The following NPTX2 variants were observed in gnomAD, a reference collection of about 807,000 sequenced individuals.
The protein encoded by NPTX2 is neuronal pentraxin 2.
A neutral mutation model predicts 38.1 loss-of-function variants in NPTX2; 23 were observed. The ratio of observed to expected loss-of-function variants is 0.60; its 90% confidence interval spans 0.43 to 0.85. The LOEUF (loss-of-function observed/expected upper bound fraction) is 0.85, where lower values mean the gene tolerates loss of function less well. Among genes scored for constraint, NPTX2 ranks in the 40% least tolerant of loss-of-function variants. NPTX2 has a pLI of 0.00. For missense variants in NPTX2, 553 were observed against 615.3 expected, an observed-to-expected ratio of 0.90 and a Z score of 1.07; for synonymous variants, 291 against 287.3, an observed-to-expected ratio of 1.01 and a Z score of -0.13.
At chr7:98,625,292 GGGCTGTCCTCCTCGA>G in intron 3 of NPTX2, 126 bp downstream of exon 3, 1 of 1,290,996 alleles carries the variant, frequency 7.7e-7, no homozygotes, top group Non-Finnish European at 1.1e-6. Flanking sequence ...TGGGACTGCG[GGGCTGTCCTCCTCGA>G]GGTGGGGATA....
At position 98,617,446 on chromosome 7, in the gene NPTX2, C is replaced by A; in HGVS notation, c.-16C>A. 1 of 958,658 alleles carries A rather than the reference C, an allele frequency of 1.0e-6. No homozygotes were observed. The highest frequency in any genetic ancestry group is 1.3e-6 in the Non-Finnish European group (1 of 746,656). 59.4% of individuals were successfully genotyped at this position (958,658 alleles called of 1,614,324 possible). On this transcript the variant is annotated 5_prime_UTR_variant, in exon 1 of 5. Transcript: ENST00000265634. ...CCGCTCGCCCATGCCGAGCTGAGCG[C>A]GGCAGCGGCGGCGGGATGCTGGCGC...
Position 98,629,673 on chromosome 7 carries a change from A to G in NPTX2, c.*1044A>G, listed in dbSNP as rs568073396. The G allele has an allele frequency of 6.6e-6, 1 of 152,568 alleles. No homozygotes were observed. The highest frequency in any genetic ancestry group is 2.4e-5 in the African/African-American group (1 of 41,438). The allele number at this position is 152,568 out of a possible 1,614,324, so 9.5% of individuals were successfully genotyped here. ...CTCACTGTATTGGACGGGAGTAGTA[A>G]TTTATTTTAAAGATAAAGTGACTAA... On this transcript the variant is annotated 3_prime_UTR_variant, in exon 5 of 5. Coordinates refer to ENST00000265634, the MANE Select transcript of NPTX2 (RefSeq NM_002523.3).
At chr7:98,626,683 A>C (rs928462839) in intron 3 of NPTX2, among the ~76,000 whole-genome samples, 1 of 152,180 alleles carries the variant, frequency 6.6e-6, no homozygotes, top group African/African-American at 2.4e-5. Context: ...TCCTCCCCCC[A>C]GTTCCTCACG....
At position 98,617,727 on chromosome 7, in the gene NPTX2, G is replaced by A. The variant is rs1041956416; in HGVS notation, c.266G>A (p.Gly89Asp). 3.5e-6 allele frequency: 5 copies of A among 1,421,856 alleles called. No homozygotes were observed. Among genetic ancestry groups the A allele is most frequent in the Non-Finnish European group, 4.5e-6 (5 of 1,100,394 alleles). 88.1% of individuals were successfully genotyped at this position (1,421,856 alleles called of 1,614,324 possible). Reference sequence around the variant, plus strand: ...CGCGAGGCCATCCGCGAGCTCACGGGCAAGCTAGCGCGCTGCGAGGGGCTG... The same window carrying A: ...CGCGAGGCCATCCGCGAGCTCACGGACAAGCTAGCGCGCTGCGAGGGGCTG... ...AQREAIRELT[G>D]KLARCEGLAG... Residue 89 changes from glycine to aspartate, a missense_variant, in exon 1 of 5, where the codon GGC becomes GAC. Physicochemically the swap from Gly to Asp is moderately conservative, Grantham distance 94 (BLOSUM62 -1). Coordinates refer to ENST00000265634, the MANE Select transcript of NPTX2 (RefSeq NM_002523.3).
rs2642895 is a variant in NPTX2 at position 98,629,296 on chromosome 7, G to A, written c.*667G>A. 0.12 allele frequency: 18,006 copies of A among 152,642 alleles called. 1,375 individuals are homozygous for A. The highest frequency in any genetic ancestry group is 0.22 in the East Asian group (1,153 of 5,172). The allele number at this position is 152,642 out of a possible 1,614,324, so 9.5% of individuals were successfully genotyped here. ...AGAAAGGAGAAGGGCTGTGATCTCCGGTCCCTTCCCCCATCATCCTTCCTT... is the reference window on the plus strand; with the variant it reads ...AGAAAGGAGAAGGGCTGTGATCTCCAGTCCCTTCCCCCATCATCCTTCCTT... On this transcript the variant is annotated 3_prime_UTR_variant, in exon 5 of 5. Transcript: ENST00000265634.
chr7:98,626,394 C>T (rs990461558), intron 3 of NPTX2, among the ~76,000 whole-genome samples: 8 of 151,764 alleles, frequency 5.3e-5, no homozygotes, highest in African/African-American at 1.7e-4. Flanking sequence ...TGGAGTCTGT[C>T]GAGGTTTAAA....
In NPTX2 at chr7:98,619,653, GAGC is replaced by G. The variant is rs1791240024; in HGVS notation, c.439_441del (p.Ala147del). 3 of 1,612,956 alleles carry G rather than the reference GAGC, an allele frequency of 1.9e-6. No individual in the cohort carries two copies. Among genetic ancestry groups the G allele is most frequent in the Admixed American group, 3.3e-5 (2 of 60,004 alleles). The stretch of plus-strand genomic sequence containing the variant: ...CCCGGTGGCTGAAAGCACCAGCTCA[GAGC>G]AAACGTGTCCAATGCTGGGCTGCCC... On this transcript the variant is annotated inframe_deletion, in exon 2 of 5. Coordinates refer to ENST00000265634, the MANE Select transcript of NPTX2 (RefSeq NM_002523.3).
In NPTX2 at chr7:98,622,375, A is replaced by G. The variant is rs570278851; in HGVS notation, c.643+2516A>G. On this transcript the variant is annotated intron_variant, in intron 2 of 4. Transcript: ENST00000265634. ...CCTATCTGTTGTCACCAAGCTAACA[A>G]TATTACCCACACGGAGTCGTATCAG... Among the ~76,000 whole-genome samples, 9 of 152,312 alleles carry G rather than the reference A, an allele frequency of 5.9e-5. No individual in the cohort carries two copies. In the South Asian group the frequency reaches 1.4e-3, roughly 25 times the overall value.
chr7:98,628,609 G>A lies in NPTX2; in HGVS notation c.1276G>A (p.Glu426Lys). ...ASKWPVETCE[E>K]RLLDL ...CAAGTGGCCCGTGGAGACGTGTGAG[G>A]AGCGTCTCCTTGACTTGTAGCCGCC... is the stretch of plus-strand genomic sequence containing the variant. Residue 426 changes from glutamate to lysine, a missense_variant, in exon 5 of 5, where the codon GAG (glutamate) becomes AAG (lysine). Physicochemically the swap from Glu to Lys is moderately conservative, Grantham distance 56. Transcript: ENST00000265634. 1 of 1,557,598 alleles carries A rather than the reference G, an allele frequency of 6.4e-7. No individual in the cohort carries two copies. Among genetic ancestry groups the A allele is most frequent in the East Asian group, 2.3e-5 (1 of 43,714 alleles).
At position 98,619,794 on chromosome 7, in the gene NPTX2, C is replaced by T. The variant is rs1301412421; in HGVS notation, c.578C>T (p.Ala193Val). The change falls in exon 2 of 5, where the codon GCT (alanine) becomes GTT (valine). Residue 193 changes from alanine (A) to valine (V), a missense_variant. Transcript: ENST00000265634. Reference sequence around the variant, plus strand: ...TCCCTGCTGCACAATGAGACCTCGGCTCACCGGCAGAAGACCGAGAGCACC... The same window carrying T: ...TCCCTGCTGCACAATGAGACCTCGGTTCACCGGCAGAAGACCGAGAGCACC... ...EKSLLHNETS[A>V]HRQKTESTLN... 1.2e-6 allele frequency: 2 copies of T among 1,613,882 alleles called. No individual in the cohort carries two copies. Among genetic ancestry groups the T allele is most frequent in the Non-Finnish European group, 1.7e-6 (2 of 1,180,046 alleles).
intron 2 of NPTX2, among the ~76,000 whole-genome samples, chr7:98,621,069 G>T (rs1387915653): frequency 1.3e-5 from 2 of 152,170 alleles, no homozygotes; most frequent in Non-Finnish European, 2.9e-5. Context: ...TGGGCCACTA[G>T]CTGGCAAACA....
intron 4 of NPTX2, 87 bp downstream of exon 4, chr7:98,627,431 G>T: frequency 8.7e-7 from 1 of 1,154,466 alleles, no homozygotes; most frequent in East Asian, 2.5e-5. Flanking sequence ...ATGGTGCGAG[G>T]AGGGGCCAAC....
chr7:98,627,304 C>A lies in NPTX2; in HGVS notation c.1028C>A (p.Pro343His). 6.2e-7 allele frequency: 1 copy of A among 1,613,886 alleles called. No individual in the cohort carries two copies. Among genetic ancestry groups the A allele is most frequent in the Non-Finnish European group, 8.5e-7 (1 of 1,179,934 alleles). Residue 343 changes from proline (P) to histidine (H), a missense_variant, in exon 4 of 5, where the codon CCC becomes CAC. Coordinates refer to ENST00000265634, the MANE Select transcript of NPTX2 (RefSeq NM_002523.3). ...GTGENLAPWH[P>H]IKPGGVLILG... ...GGGGAGAACCTGGCCCCCTGGCACC[C>A]CATCAAGCCCGGGGGCGTGCTGATC...
chr7:98,619,648 G>T lies in NPTX2; in HGVS notation c.432G>T (p.Gln144His). Reference sequence around the variant, plus strand: ...TCCTCCCCGGTGGCTGAAAGCACCAGCTCAGAGCAAACGTGTCCAATGCTG... The same window carrying T: ...TCCTCCCCGGTGGCTGAAAGCACCATCTCAGAGCAAACGTGTCCAATGCTG... ...LKDRLESLEH[Q>H]LRANVSNAGL... Residue 144 changes from glutamine to histidine, a missense_variant, in exon 2 of 5, where the codon CAG becomes CAT. Transcript: ENST00000265634. The T allele has an allele frequency of 6.2e-7, 1 of 1,612,484 alleles. No homozygotes were observed. Among genetic ancestry groups the T allele is most frequent in the Non-Finnish European group, 8.5e-7 (1 of 1,179,412 alleles).
At chr7:98,626,933 G>A (rs1791359869) in intron 3 of NPTX2, among the ~76,000 whole-genome samples, 1 of 152,200 alleles carries the variant, frequency 6.6e-6, no homozygotes, top group African/African-American at 2.4e-5. Context: ...CCTCACATCT[G>A]TTCGGTCCTC....
intron 1 of NPTX2, among the ~76,000 whole-genome samples, chr7:98,618,569 T>TCCCCCCCCCC (rs145792464): frequency 6.6e-5 from 2 of 30,094 alleles, no homozygotes; most frequent in African/African-American, 1.6e-4. Flanking sequence ...TCTCTCTCTC[T>TCCCCCCCCCC]CCCCCCCTCC....
chr7:98,620,083 C>A (rs1791249784), intron 2 of NPTX2: 1 of 579,120 alleles, frequency 1.7e-6, no homozygotes, highest in Non-Finnish European at 3.1e-6. Flanking sequence ...CCAGGACCAG[C>A]TTCGATAAGC....
At chr7:98,627,441 C>A (rs1584144249) in intron 4 of NPTX2, 97 bp downstream of exon 4, 1 of 1,000,346 alleles carries the variant, frequency 1.0e-6, no homozygotes, top group Non-Finnish European at 1.5e-6. Context: ...GAGGGGCCAA[C>A]TGAGCAGCAC....
chr7:98,617,642 G>A lies in NPTX2; in HGVS notation c.181G>A (p.Ala61Thr), dbSNP rs1328359806. The A allele has an allele frequency of 3.6e-5, 53 of 1,489,486 alleles. No individual in the cohort carries two copies. Among genetic ancestry groups the A allele is most frequent in the Non-Finnish European group, 4.6e-5 (52 of 1,128,326 alleles). The allele number at this position is 1,489,486 out of a possible 1,614,324, so 92.3% of individuals were successfully genotyped here. ...GCAGAGTCCCGAGGAGGAGCTGAGG[G>A]CCGCGGTGCTGCAGCTGCGCGAGAC... ...GAQSPEEELR[A>T]AVLQLRETVV... Residue 61 changes from alanine to threonine, a missense_variant, in exon 1 of 5, where the codon GCC (alanine) becomes ACC (threonine). Ala to Thr is a moderately conservative substitution (Grantham distance 58, BLOSUM62 0). Coordinates refer to ENST00000265634, the MANE Select transcript of NPTX2 (RefSeq NM_002523.3).
Sources: allele counts gnomAD v4.1 joint callset (sites outside exome capture counted in the v4.1 genomes callset), GRCh38; gene constraint gnomAD v4.1.1; transcripts MANE v1.5; gene names NCBI Gene and HGNC (gene_info 2026-07-23, HGNC 2026-07-21).